The following CCDC92 variants were observed in gnomAD, a reference collection of about 807,000 sequenced individuals.
The protein encoded by CCDC92 is coiled-coil domain-containing protein 92.
Under a neutral mutation model 24.9 loss-of-function variants are expected in CCDC92, and 12 were observed. The ratio of observed to expected loss-of-function variants is 0.48; its 90% CI spans 0.31 to 0.78. The LOEUF (loss-of-function observed/expected upper bound fraction) is 0.78, where lower values mean the gene tolerates loss of function less well. Among genes scored for constraint, CCDC92 ranks in the 30% least tolerant of loss-of-function variants. The pLI, the probability that CCDC92 is intolerant of heterozygous loss-of-function variation, is 0.05. For synonymous variants in CCDC92, 193 were observed against 196.3 expected, an observed-to-expected ratio of 0.98 and a Z score of 0.14; for missense variants, 399 against 439.4, an observed-to-expected ratio of 0.91 and a Z score of 0.82.
chr12:123,969,432 G>C (rs1956469476), intron 1 of CCDC92, among the ~76,000 whole-genome samples: 1 of 143,410 alleles, frequency 7.0e-6, no homozygotes, highest in Non-Finnish European at 1.5e-5. Flanking sequence ...GCAAGCACAA[G>C]AATCATCTCT....
chr12:123,961,984 TA>T (rs1057387681), intron 1 of CCDC92, among the ~76,000 whole-genome samples: 1 of 152,218 alleles, frequency 6.6e-6, no homozygotes, highest in Non-Finnish European at 1.5e-5. Flanking sequence ...CTCTAAAATA[TA>T]AAAGTGCATA....
chr12:123,970,381 T>C (rs1002115300), intron 1 of CCDC92: 5 of 152,236 alleles, frequency 3.3e-5, no homozygotes, highest in African/African-American at 1.2e-4. Context: ...TAAACAACTT[T>C]TGCCTTCATA....
intron 1 of CCDC92, among the ~76,000 whole-genome samples, chr12:123,951,198 G>A (rs1480087092): frequency 2.0e-5 from 3 of 152,108 alleles, no homozygotes; most frequent in South Asian, 4.1e-4. Context: ...GGCACCGAGT[G>A]GAGATCTAAA....
intron 1 of CCDC92, among the ~76,000 whole-genome samples, chr12:123,950,342 C>T (rs994216716): frequency 3.3e-5 from 5 of 152,104 alleles, no homozygotes; most frequent in African/African-American, 2.4e-5. Context: ...GCCGTCAGAA[C>T]AGCACTGCTC....
chr12:123,941,366 A>AC (rs1413522421), intron 4 of CCDC92, among the ~76,000 whole-genome samples: 2 of 152,074 alleles, frequency 1.3e-5, no homozygotes, highest in Non-Finnish European at 2.9e-5. Flanking sequence ...CGCCTTCCCT[A>AC]CCACACGCAG....
At chr12:123,942,016 A>G (rs73221411) in intron 4 of CCDC92, among the ~76,000 whole-genome samples, 2 of 152,350 alleles carry the variant, frequency 1.3e-5, no homozygotes, top group African/African-American at 2.4e-5. Flanking sequence ...TGAGCCATCC[A>G]TTGCCTTCCC....
chr12:123,961,285 A>G (rs555166207), intron 1 of CCDC92: 2 of 152,328 alleles, frequency 1.3e-5, no homozygotes, highest in South Asian at 4.1e-4. Context: ...ATCTGTTGCC[A>G]GACACATGGA....
chr12:123,967,138 G>A (rs1014863810), intron 1 of CCDC92, among the ~76,000 whole-genome samples: 4 of 151,888 alleles, frequency 2.6e-5, no homozygotes, highest in Admixed American at 6.6e-5. Flanking sequence ...CATTGCAGAG[G>A]CTGAGGAGGA....
At chr12:123,972,400 G>A (rs372594519) in intron 1 of CCDC92, 129 bp downstream of exon 1, 18 of 152,062 alleles carry the variant, frequency 1.2e-4, no homozygotes, top group East Asian at 1.9e-4. Context: ...CGGCGGGGAG[G>A]GTTTTTAAAG....
At chr12:123,943,738 T>C in intron 2 of CCDC92, 1 of 563,848 alleles carries the variant, frequency 1.8e-6, no homozygotes, top group South Asian at 2.3e-5. Flanking sequence ...CCTAGCACGA[T>C]GCCTGGCACA....
intron 4 of CCDC92, among the ~76,000 whole-genome samples, chr12:123,938,717 A>T (rs572644336): frequency 2.2e-4 from 33 of 152,264 alleles, no homozygotes; most frequent in African/African-American, 1.7e-4. Context: ...TCAGCTCCCG[A>T]TTCAGTGTCT....
intron 1 of CCDC92, chr12:123,970,362 T>G (rs2138242720): frequency 6.6e-6 from 1 of 152,378 alleles, no homozygotes; most frequent in East Asian, 1.9e-4. Flanking sequence ...CCACCGCTAG[T>G]TCTCACCATA....
chr12:123,958,683 G>A (rs1279951451), intron 1 of CCDC92, among the ~76,000 whole-genome samples: 3 of 152,232 alleles, frequency 2.0e-5, no homozygotes, highest in Non-Finnish European at 2.9e-5. Context: ...GTCACTGACT[G>A]TGGCAGGTCC....
chr12:123,953,795 C>T (rs1360190622), intron 1 of CCDC92, among the ~76,000 whole-genome samples: 2 of 149,840 alleles, frequency 1.3e-5, no homozygotes, highest in East Asian at 2.0e-4. Flanking sequence ...AAAACAAAAA[C>T]AAAAACAAAA....
In CCDC92 at chr12:123,937,014, G is replaced by A. The variant is rs1289636838; in HGVS notation, c.*44C>T. The A allele has an allele frequency of 1.2e-6, 2 of 1,604,552 alleles. No homozygotes were observed. The highest frequency in any genetic ancestry group is 1.7e-6 in the Non-Finnish European group (2 of 1,174,888). On this transcript the variant is annotated 3_prime_UTR_variant, in exon 5 of 5. Coordinates refer to ENST00000238156, the MANE Select transcript of CCDC92 (RefSeq NM_025140.3). The surrounding 1 kb of genome is among the most constrained non-coding windows in gnomAD (Gnocchi z 8.4). ...AAGGTGTGGCTGAGATTTCCCAGTG[G>A]TGCTCACAGTGCATGGACAGCGCGG...
intron 1 of CCDC92, among the ~76,000 whole-genome samples, chr12:123,970,899 T>C (rs1324399133): frequency 6.6e-6 from 1 of 152,246 alleles, no homozygotes; most frequent in African/African-American, 2.4e-5. Flanking sequence ...ACCAATTAGG[T>C]AATTATGTTG....
Position 123,937,534 on chromosome 12 carries a change from C to T in CCDC92, c.520G>A (p.Gly174Arg), listed in dbSNP as rs777614867. ...CCTGACGGGCTGGCATCTGAGGTCC[C>T]GCTGGAGCTCATGAGCTTCTTCTTG... Reference protein sequence around the residue: ...AAKKKLMSSSGTSDASPSGSP... With the variant: ...AAKKKLMSSSRTSDASPSGSP... Residue 174 changes from glycine (G) to arginine (R), a missense_variant, in exon 5 of 5, where the codon GGG (glycine) becomes AGG (arginine). Physicochemically the swap from Gly to Arg is moderately radical, Grantham distance 125. Coordinates refer to ENST00000238156, the MANE Select transcript of CCDC92 (RefSeq NM_025140.3). The surrounding 1 kb of genome is among the most constrained non-coding windows in gnomAD (Gnocchi z 8.4). The T allele has an allele frequency of 6.2e-6, 10 of 1,612,232 alleles. No individual in the cohort carries two copies. The highest frequency in any genetic ancestry group is 2.2e-5 in the East Asian group (1 of 44,864).
intron 1 of CCDC92, among the ~76,000 whole-genome samples, chr12:123,951,156 G>A (rs527803356): frequency 5.3e-5 from 8 of 152,238 alleles, no homozygotes; most frequent in Admixed American, 2.0e-4. Flanking sequence ...CATTACATAC[G>A]TGCTGCAGAT....
intron 4 of CCDC92, among the ~76,000 whole-genome samples, chr12:123,940,626 C>T (rs1955655676): frequency 6.6e-6 from 1 of 152,192 alleles, no homozygotes; most frequent in Non-Finnish European, 1.5e-5. Flanking sequence ...GTACGTACCC[C>T]CTTTCTGGAA....
Sources: gnomAD v4.1 joint callset for allele counts (sites outside exome capture counted in the v4.1 genomes callset) on GRCh38, gnomAD v4.1.1 for gene constraint, Gnocchi (gnomAD v3.1) non-coding constraint, MANE v1.5 for transcripts, NCBI Gene and HGNC (gene_info 2026-07-23, HGNC 2026-07-21) for gene names.